The following APOBEC1 variants were observed in gnomAD, a reference collection of about 807,000 sequenced individuals.
APOBEC1 encodes C->U-editing enzyme APOBEC-1.
A neutral mutation model predicts 26.3 loss-of-function variants in APOBEC1; 22 were observed. The ratio of observed to expected loss-of-function variants is 0.84; its 90% CI spans 0.60 to 1.19. The LOEUF is 1.19. APOBEC1 is among the 50% of genes most tolerant of loss of function. The pLI, the probability that APOBEC1 is intolerant of heterozygous loss-of-function variation, is 0.00. For missense variants in APOBEC1, 253 were observed against 289.0 expected, an observed-to-expected ratio of 0.88 and a Z score of 0.90; for synonymous variants, 77 against 95.3, an observed-to-expected ratio of 0.81 and a Z score of 1.12.
Position 7,652,957 on chromosome 12 carries a change from T to A in APOBEC1, c.45-122A>T, listed in dbSNP as rs766494598. On this transcript the variant is annotated intron_variant, in intron 2 of 4. Transcript: ENST00000229304. ...TTTATTTTATTTTTTTAAGATGGAG[T>A]CTCACACTGTTGCCCAGACTGGAGT... The A allele has an allele frequency of 6.8e-5, 60 of 877,224 alleles. 1 individual carries two copies. In the South Asian group the frequency reaches 2.1e-3, roughly 31 times the overall value. 54.3% of individuals were successfully genotyped at this position (877,224 alleles called of 1,614,324 possible).
chr12:7,660,375 G>GGAAGGAAGGACAGAAAGAAA (rs61183510), intron 1 of APOBEC1, among the ~76,000 whole-genome samples: 14 of 23,970 alleles, frequency 5.8e-4, no homozygotes, highest in South Asian at 3.4e-3. Context: ...AAGGAAGGAA[G>GGAAGGAAGGACAGAAAGAAA]GAAAGAAAGA....
At chr12:7,649,737 A>G in intron 4 of APOBEC1, 41 bp from the exon 5 acceptor site, 1 of 1,342,038 alleles carries the variant, frequency 7.5e-7, no homozygotes, top group Non-Finnish European at 1.0e-6. Flanking sequence ...TAGGATGAAT[A>G]TTTTAATTAA....
intron 1 of APOBEC1, among the ~76,000 whole-genome samples, chr12:7,664,423 G>A (rs1025363547): frequency 5.9e-5 from 9 of 152,136 alleles, no homozygotes; most frequent in Non-Finnish European, 4.4e-5. Flanking sequence ...CCTTGAGCCT[G>A]GCATTCGAAG....
chr12:7,655,356 CA>C (rs146934350), intron 1 of APOBEC1, among the ~76,000 whole-genome samples: 5 of 149,046 alleles, frequency 3.4e-5, no homozygotes, highest in South Asian at 2.1e-4. Context: ...ACTAAAAATA[CA>C]AAAAAAAATT....
chr12:7,659,990 A>G (rs1863780874), intron 1 of APOBEC1, among the ~76,000 whole-genome samples: 1 of 151,810 alleles, frequency 6.6e-6, no homozygotes, highest in Non-Finnish European at 1.5e-5. Context: ...TAAATAAAAT[A>G]AAATAAAGTT....
At position 7,649,547 on chromosome 12, in the gene APOBEC1, T is replaced by A. The variant is rs555857195; in HGVS notation, c.711A>T (p.Ter237CysextTer3). The A allele has an allele frequency of 1.2e-6, 2 of 1,613,968 alleles. No individual in the cohort carries two copies. Among genetic ancestry groups the A allele is most frequent in the Non-Finnish European group, 1.7e-6 (2 of 1,179,954 alleles). ...CAGTACACACACGGAATCATCCTAT[T>A]CATCTCCAAGCCACAGAAGGATGTA... ...GLIHPSVAWR[*>C] is the part of the protein sequence containing the mutation. Residue 237 changes from the stop codon to cysteine (C), a stop_lost, in exon 5 of 5, where the codon TGA (stop) becomes TGT (cysteine). Transcript: ENST00000229304.
intron 1 of APOBEC1, among the ~76,000 whole-genome samples, chr12:7,657,279 C>T (rs1039831475): frequency 5.9e-5 from 9 of 152,158 alleles, no homozygotes; most frequent in Non-Finnish European, 1.3e-4. Flanking sequence ...AGTTGCATAA[C>T]ATAGAACCTA....
At chr12:7,664,091 G>A (rs1863860351) in intron 1 of APOBEC1, among the ~76,000 whole-genome samples, 1 of 152,076 alleles carries the variant, frequency 6.6e-6, no homozygotes, top group Non-Finnish European at 1.5e-5. Flanking sequence ...CCTACCTCAG[G>A]TGATCCGCCT....
At chr12:7,664,917 AAAT>A (rs1167687034) in intron 1 of APOBEC1, among the ~76,000 whole-genome samples, 4 of 147,242 alleles carry the variant, frequency 2.7e-5, no homozygotes, top group Admixed American at 2.0e-4. Flanking sequence ...AAAAAAAAAA[AAAT>A]TTGGTTAGGC....
At chr12:7,652,933 TTATTTTA>T in intron 2 of APOBEC1, 98 bp from the exon 3 acceptor site, 1 of 1,056,950 alleles carries the variant, frequency 9.5e-7, no homozygotes, top group Non-Finnish European at 1.2e-6. Context: ...TTATTTTATT[TTATTTTA>T]TTTTTTTAAG....
upstream of APOBEC1, among the ~76,000 whole-genome samples, chr12:7,669,085 C>T (rs1201132633): frequency 6.6e-6 from 1 of 152,158 alleles, no homozygotes; most frequent in South Asian, 2.1e-4. Flanking sequence ...TAGTCCCAGG[C>T]AAATACTGCT....
chr12:7,652,378 A>T, intron 3 of APOBEC1, 60 bp downstream of exon 3: 1 of 1,478,476 alleles, frequency 6.8e-7, no homozygotes. Context: ...TGGCCTAAAA[A>T]CAGCTACTAT....
intron 1 of APOBEC1, among the ~76,000 whole-genome samples, chr12:7,658,125 G>T (rs1222322974): frequency 6.6e-6 from 1 of 152,120 alleles, no homozygotes; most frequent in Non-Finnish European, 1.5e-5. Context: ...GTCCAGTGGT[G>T]CAATCTTGGC....
At chr12:7,668,919 A>G (rs1310391941), upstream of APOBEC1, among the ~76,000 whole-genome samples, 3 of 152,084 alleles carry the variant, frequency 2.0e-5, no homozygotes, top group East Asian at 3.9e-4. Context: ...TTTAGTAGAG[A>G]TGAGGTTTCA....
chr12:7,654,475 G>A (rs374101878), intron 2 of APOBEC1, 130 bp downstream of exon 2: 39 of 861,990 alleles, frequency 4.5e-5, no homozygotes, highest in Non-Finnish European at 7.1e-5. Flanking sequence ...GGGCTCAAGC[G>A]ATCCTCCTAC....
chr12:7,653,961 A>G (rs1863680646), intron 2 of APOBEC1, among the ~76,000 whole-genome samples: 1 of 152,216 alleles, frequency 6.6e-6, no homozygotes, highest in African/African-American at 2.4e-5. Flanking sequence ...CAAGCTTATT[A>G]CATCCTAATA....
At chr12:7,651,687 G>A (rs936309918) in intron 3 of APOBEC1, among the ~76,000 whole-genome samples, 1 of 151,818 alleles carries the variant, frequency 6.6e-6, no homozygotes, top group Non-Finnish European at 1.5e-5. Flanking sequence ...CTGTCACCTA[G>A]GCCAGTGTGC....
At chr12:7,663,771 T>G (rs986915396) in intron 1 of APOBEC1, among the ~76,000 whole-genome samples, 5 of 152,100 alleles carry the variant, frequency 3.3e-5, no homozygotes, top group Non-Finnish European at 7.4e-5. Flanking sequence ...ACACACCACC[T>G]TCATAAGAAA....
chr12:7,660,891 C>T (rs12310172), intron 1 of APOBEC1, among the ~76,000 whole-genome samples: 18,761 of 151,122 alleles, frequency 0.12, 1,220 homozygotes, highest in South Asian at 0.22. Flanking sequence ...CTTGGGTACA[C>T]ATGGACATAA....
Sources: allele counts gnomAD v4.1 joint callset (sites outside exome capture counted in the v4.1 genomes callset), GRCh38; gene constraint gnomAD v4.1.1; transcripts MANE v1.5; gene names NCBI Gene and HGNC (gene_info 2026-07-23, HGNC 2026-07-21).